VAV2: variants seen among roughly 807,000 people sequenced by gnomAD.
VAV2 encodes vav guanine nucleotide exchange factor 2.
In VAV2, 67 loss-of-function variants were observed where a neutral mutation model predicts 132.5. The observed-to-expected ratio is 0.51, with a 90% CI of 0.42 to 0.62. The LOEUF (loss-of-function observed/expected upper bound fraction) is 0.62, where lower values mean the gene tolerates loss of function less well. VAV2 is among the 20% of genes least tolerant of loss of function. The pLI, the probability that VAV2 is intolerant of heterozygous loss-of-function variation, is 0.00. For synonymous variants in VAV2, 492 were observed against 443.5 expected (o/e 1.11, Z -1.37); for missense variants, 938 against 1,153.6 (o/e 0.81, Z 2.71).
Position 133,786,852 on chromosome 9 carries a change from A to ATGGAGAGGGGAAGCG in VAV2, c.1422+379_1422+393dup, listed in dbSNP as rs1474744830. Among the ~76,000 whole-genome samples the ATGGAGAGGGGAAGCG allele has an allele frequency of 2.6e-5, 4 of 152,256 alleles. No homozygotes were observed. The East Asian group carries it at 5.8e-4, about 22-fold the overall frequency. On this transcript the variant is annotated intron_variant, in intron 16 of 29. Coordinates refer to ENST00000371850, the MANE Select transcript of VAV2 (RefSeq NM_001134398.2). ...GCGGGAAAGAGGAACGAAGGGAGGG[A>ATGGAGAGGGGAAGCG]TGGAGAGGGGAAGCGTGGAGCGGGG... is the stretch of plus-strand genomic sequence containing the variant.
At chr9:133,790,715 T>C (rs1314765540) in intron 13 of VAV2, among the ~76,000 whole-genome samples, 1 of 152,110 alleles carries the variant, frequency 6.6e-6, no homozygotes, top group Non-Finnish European at 1.5e-5. Context: ...GGCAGTATCA[T>C]AATGCCCTTC....
Position 133,778,847 on chromosome 9 carries a change from G to T in VAV2, c.1805C>A (p.Ala602Asp). ...GGTCAGCACAGGCTTCCCGGGAGGG[G>T]CTGGGTTGCCATGGTAATTCTGCAT... Reference protein sequence around the residue: ...VAMQNYHGNPAPPGKPVLTFQ... With the variant: ...VAMQNYHGNPDPPGKPVLTFQ... The change falls in exon 22 of 30, where the codon GCC becomes GAC. Residue 602 changes from alanine (A) to aspartate (D), a missense_variant. Ala to Asp is a moderately radical substitution (Grantham distance 126). Transcript: ENST00000371850. 2.5e-6 allele frequency: 4 copies of T among 1,612,770 alleles called. No homozygotes were observed. Among genetic ancestry groups the T allele is most frequent in the Non-Finnish European group, 3.4e-6 (4 of 1,179,852 alleles).
chr9:133,763,783 G>C lies in VAV2; in HGVS notation c.*279C>G. 4.3e-6 allele frequency: 2 copies of C among 469,226 alleles called. No individual in the cohort carries two copies. Among genetic ancestry groups the C allele is most frequent in the Non-Finnish European group, 3.9e-6 (1 of 254,886 alleles). 29.1% of individuals were successfully genotyped at this position (469,226 alleles called of 1,614,324 possible). On this transcript the variant is annotated 3_prime_UTR_variant, in exon 30 of 30. Transcript: ENST00000371850. This position sits in a 1 kb window ranked among gnomAD's most constrained non-coding sequence, Gnocchi z 6.8. The stretch of plus-strand genomic sequence containing the variant: ...TGGCCTCAGCCACTACCCAGAGCCT[G>C]GCTCGCAGCGCTGTCGGTGCCCCCT...
chr9:133,779,225 G>A (rs1297934202), intron 21 of VAV2, among the ~76,000 whole-genome samples: 1 of 152,258 alleles, frequency 6.6e-6, no homozygotes, highest in Non-Finnish European at 1.5e-5. Flanking sequence ...TCAGAGACGG[G>A]CGACGGGTCA....
Position 133,880,115 on chromosome 9 carries a change from G to A in VAV2, c.322-18683C>T, listed in dbSNP as rs559011964. Among the ~76,000 whole-genome samples, 17 of 152,270 alleles carry A rather than the reference G, an allele frequency of 1.1e-4. No individual in the cohort carries two copies. In the South Asian group the frequency reaches 3.5e-3, roughly 32 times the overall value. On this transcript the variant is annotated intron_variant, in intron 2 of 29. Coordinates refer to ENST00000371850, the MANE Select transcript of VAV2 (RefSeq NM_001134398.2). ...AGACAGGCCAAGGAAGGACCCACCT[G>A]GACCCACCTGCGCCGTCTGCAGGAA...
intron 22 of VAV2, among the ~76,000 whole-genome samples, 180 bp downstream of exon 22, chr9:133,778,582 C>T (rs975440864): frequency 1.3e-5 from 2 of 152,220 alleles, no homozygotes; most frequent in East Asian, 1.9e-4. Context: ...CATGCCATGG[C>T]GCAGAACGGG....
intron 7 of VAV2, 24 bp from the exon 8 acceptor site, chr9:133,807,350 G>A (rs765011553): frequency 1.3e-6 from 2 of 1,591,912 alleles, no homozygotes; most frequent in Non-Finnish European, 1.7e-6. Context: ...GTCCACCTCT[G>A]CCACCCTGCT....
In VAV2 at chr9:133,961,133, C is replaced by G. The variant is rs558549518; in HGVS notation, c.205-21914G>C. ...GGAGCTGCTGAGCGCTTTTAGTTAGCCCAACACGGACCAAGGCCACCTCGG... is the reference window on the plus strand; with the variant it reads ...GGAGCTGCTGAGCGCTTTTAGTTAGGCCAACACGGACCAAGGCCACCTCGG... On this transcript the variant is annotated intron_variant, in intron 1 of 29. Coordinates refer to ENST00000371850, the MANE Select transcript of VAV2 (RefSeq NM_001134398.2). This position sits in a 1 kb window ranked among gnomAD's most constrained non-coding sequence, Gnocchi z 4.1. Among the ~76,000 whole-genome samples the G allele has an allele frequency of 2.0e-5, 3 of 152,232 alleles. No homozygotes were observed. The highest frequency in any genetic ancestry group is 4.4e-5 in the Non-Finnish European group (3 of 68,038).
intron 2 of VAV2, among the ~76,000 whole-genome samples, chr9:133,900,806 T>TATTC (rs1409172323): frequency 6.7e-6 from 1 of 149,962 alleles, no homozygotes; most frequent in Non-Finnish European, 1.5e-5. Context: ...TTTATTTATT[T>TATTC]ATGTATTTTT....
chr9:133,834,571 T>A lies in VAV2; in HGVS notation c.381-231A>T, dbSNP rs550897204. 6.6e-6 allele frequency among the ~76,000 whole-genome samples: 1 copy of A among 152,354 alleles called. No individual in the cohort carries two copies. Among genetic ancestry groups the A allele is most frequent in the African/African-American group, 2.4e-5 (1 of 41,588 alleles). On this transcript the variant is annotated intron_variant, in intron 3 of 29. Transcript: ENST00000371850. The surrounding 1 kb of genome is among the most constrained non-coding windows in gnomAD (Gnocchi z 5.9). ...TGCCTACTTGCCAGGGGGCAAGGAA[T>A]GTGTCACGCCCACTCCGGGCTCCGG...
intron 16 of VAV2, among the ~76,000 whole-genome samples, chr9:133,786,226 C>T (rs150006182): frequency 3.3e-5 from 5 of 152,354 alleles, no homozygotes; most frequent in Middle Eastern, 3.4e-3. Flanking sequence ...TGCGTGTGCA[C>T]CTGTGCATGA....
At chr9:133,965,006 CA>C (rs1316492027) in intron 1 of VAV2, among the ~76,000 whole-genome samples, 1 of 152,050 alleles carries the variant, frequency 6.6e-6, no homozygotes, top group Non-Finnish European at 1.5e-5. Flanking sequence ...AGAGGGCCTC[CA>C]AATTGGAAAG....
chr9:133,879,929 TC>T lies in VAV2; in HGVS notation c.322-18498del, dbSNP rs2131934348. On this transcript the variant is annotated intron_variant, in intron 2 of 29. Coordinates refer to ENST00000371850, the MANE Select transcript of VAV2 (RefSeq NM_001134398.2). This position sits in a 1 kb window ranked among gnomAD's most constrained non-coding sequence, Gnocchi z 4.4. Reference sequence around the variant, plus strand: ...CTTAATCCTGGCCCATCAAGGGACTTCCCAAAATGGCCACTTTATGGATTTT... The same window carrying T: ...CTTAATCCTGGCCCATCAAGGGACTTCCAAAATGGCCACTTTATGGATTTT... 6.6e-6 allele frequency among the ~76,000 whole-genome samples: 1 copy of T among 152,338 alleles called. No individual in the cohort carries two copies. Among genetic ancestry groups the T allele is most frequent in the African/African-American group, 2.4e-5 (1 of 41,578 alleles).
At chr9:133,850,728 C>T (rs979058796) in intron 3 of VAV2, among the ~76,000 whole-genome samples, 1 of 152,192 alleles carries the variant, frequency 6.6e-6, no homozygotes, top group Non-Finnish European at 1.5e-5. Context: ...CTGCCAGGTC[C>T]CAGGACTTGC....
Position 133,877,418 on chromosome 9 carries a change from G to A in VAV2, c.322-15986C>T, listed in dbSNP as rs187820882. On this transcript the variant is annotated intron_variant, in intron 2 of 29. Coordinates refer to ENST00000371850, the MANE Select transcript of VAV2 (RefSeq NM_001134398.2). ...CATCACACTGCCAGGAACCTTCTTGGAAGAGCCAGTGCTTGTGTTCTGGGT... is the reference window on the plus strand; with the variant it reads ...CATCACACTGCCAGGAACCTTCTTGAAAGAGCCAGTGCTTGTGTTCTGGGT... Among the ~76,000 whole-genome samples, 338 of 152,310 alleles carry A rather than the reference G, an allele frequency of 2.2e-3. 3 individuals are homozygous for A. Among genetic ancestry groups the A allele is most frequent in the Non-Finnish European group, 1.0e-3 (68 of 68,034 alleles).
chr9:133,867,646 T>C (rs987677557), intron 2 of VAV2, among the ~76,000 whole-genome samples: 10 of 152,198 alleles, frequency 6.6e-5, no homozygotes, highest in African/African-American at 2.4e-4. Context: ...AGCCAATGGC[T>C]TTCAGTGCCC....
intron 1 of VAV2, among the ~76,000 whole-genome samples, chr9:133,951,192 G>C (rs1413520224): frequency 1.3e-5 from 2 of 152,254 alleles, no homozygotes; most frequent in Middle Eastern, 3.2e-3. Context: ...TGGCTATGGA[G>C]GCAGCAAGGT....
At chr9:133,915,676 ACAC>A (rs553944025) in intron 2 of VAV2, among the ~76,000 whole-genome samples, 81 of 151,318 alleles carry the variant, frequency 5.4e-4, no homozygotes, top group African/African-American at 1.9e-3. Flanking sequence ...ATGCACACAC[ACAC>A]AATGCACACG....
rs568277847 is a variant in VAV2, at chr9:133,826,052, G to A, written c.449+8220C>T. On this transcript the variant is annotated intron_variant, in intron 4 of 29. Coordinates refer to ENST00000371850, the MANE Select transcript of VAV2 (RefSeq NM_001134398.2). This position sits in a 1 kb window ranked among gnomAD's most constrained non-coding sequence, Gnocchi z 4.2. ...GTCACGATCACATTTGTTTAAGCCT[G>A]AAAATCACTTCAACTCCCAGGAAAG... Among the ~76,000 whole-genome samples, 1 of 152,310 alleles carries A rather than the reference G, an allele frequency of 6.6e-6. No homozygotes were observed. The highest frequency in any genetic ancestry group is 1.9e-4 in the East Asian group (1 of 5,184).
Sources: allele counts gnomAD v4.1 joint callset (sites outside exome capture counted in the v4.1 genomes callset), GRCh38; gene constraint gnomAD v4.1.1; non-coding constraint Gnocchi (gnomAD v3.1); transcripts MANE v1.5; gene names NCBI Gene and HGNC (gene_info 2026-07-23, HGNC 2026-07-21).